The following UMOD variants were observed in gnomAD, a reference collection of about 807,000 sequenced individuals.
UMOD encodes uromodulin.
A neutral mutation model predicts 66.0 loss-of-function variants in UMOD; 64 were observed. The ratio of observed to expected loss-of-function variants is 0.97; its 90% CI spans 0.79 to 1.19. The LOEUF is 1.19. UMOD is among the 50% of genes most tolerant of loss of function. The pLI is 0.00. For synonymous variants in UMOD, 398 were observed against 352.7 expected (o/e 1.13, Z -1.44); for missense variants, 764 against 850.9 (o/e 0.90, Z 1.27).
chr16:20,345,398 T>TC (rs1965489893), intron 5 of UMOD, among the ~76,000 whole-genome samples: 2 of 39,098 alleles, frequency 5.1e-5, no homozygotes, highest in Non-Finnish European at 2.3e-4. Context: ...TCTTTTCTTT[T>TC]TTTTTCTTTC....
rs963858389 is a variant in UMOD at position 20,348,431 on chromosome 16, C to T, written c.865+5G>A. 10 of 1,613,868 alleles carry T rather than the reference C, an allele frequency of 6.2e-6. No individual in the cohort carries two copies. The African/African-American group carries it at 1.1e-4, about 17-fold the overall frequency. On this transcript the variant is annotated splice_donor_5th_base_variant and intron_variant, in intron 3 of 10. Transcript: ENST00000396138. ...GATGAGGACTGTGGGGAGACTCCGGCTGACCTGTGCAGTACGCCAGGTGAC... is the reference window on the plus strand; with the variant it reads ...GATGAGGACTGTGGGGAGACTCCGGTTGACCTGTGCAGTACGCCAGGTGAC...
Position 20,348,797 on chromosome 16 carries a change from G to C in UMOD, c.504C>G (p.Leu168=), listed in dbSNP as rs369454700. 2.6e-6 allele frequency: 4 copies of C among 1,544,614 alleles called. No individual in the cohort carries two copies. Among genetic ancestry groups the C allele is most frequent in the African/African-American group, 2.7e-5 (2 of 73,164 alleles). The change falls in exon 3 of 11, where the codon CTC becomes CTG. Residue 168 remains leucine (L), a synonymous_variant. Coordinates refer to ENST00000396138, the MANE Select transcript of UMOD (RefSeq NM_003361.4). ...GCGCCTGGCACGGATCCGCGCACAC[G>C]AGCGCGTCGCCCTCGGGCACGCAGT... The part of the protein sequence containing the change: ...GLDCVPEGDA[L]VCADPCQAHR...
At chr16:20,337,227 GT>G (rs906207714) in intron 8 of UMOD, 63 bp downstream of exon 8, 34 of 1,588,722 alleles carry the variant, frequency 2.1e-5, no homozygotes, top group Non-Finnish European at 2.8e-5. Context: ...ATATTGATTT[GT>G]TTTCTTTGTG....
chr16:20,343,130 A>AATAC (rs1292864947), intron 6 of UMOD, among the ~76,000 whole-genome samples: 2 of 126,306 alleles, frequency 1.6e-5, no homozygotes, highest in African/African-American at 8.9e-5. Context: ...ACTCCGTCTC[A>AATAC]ATAAATAAAT....
upstream of UMOD, among the ~76,000 whole-genome samples, chr16:20,353,853 C>A (rs1176373828): frequency 6.6e-6 from 1 of 152,034 alleles, no homozygotes; most frequent in Non-Finnish European, 1.5e-5. Context: ...ATGTGCTGCA[C>A]CCATTAACTT....
chr16:20,336,057 G>T (rs1159068969), intron 9 of UMOD, among the ~76,000 whole-genome samples: 1 of 152,168 alleles, frequency 6.6e-6, no homozygotes, highest in Non-Finnish European at 1.5e-5. Context: ...GACTGCCTTT[G>T]TAGAACTAAG....
At chr16:20,346,904 AGAAAGAAAGAAAAAG>A (rs1162477606) in intron 4 of UMOD, among the ~76,000 whole-genome samples, 1 of 107,478 alleles carries the variant, frequency 9.3e-6, no homozygotes, top group Non-Finnish European at 2.5e-5. Flanking sequence ...AAAGAAAGAA[AGAAAGAAAGAAAAAG>A]CAAGCAAGCT....
upstream of UMOD, among the ~76,000 whole-genome samples, chr16:20,354,801 A>G (rs1460339231): frequency 6.6e-6 from 1 of 152,102 alleles, no homozygotes; most frequent in Non-Finnish European, 1.5e-5. Context: ...GGGCTCAATA[A>G]TTACTAGAGA....
At chr16:20,343,454 G>T (rs1203046254) in intron 6 of UMOD, among the ~76,000 whole-genome samples, 2 of 152,134 alleles carry the variant, frequency 1.3e-5, no homozygotes, top group South Asian at 4.1e-4. Flanking sequence ...AATATGATTT[G>T]CCCAGCATTC....
chr16:20,346,325 A>T lies in UMOD; in HGVS notation c.983T>A (p.Leu328His), dbSNP rs1358145321. ...KQDFNITDIS[L>H]LEHRLECGAN... ...CCCACATTCCAGCCTGTGCTCCAGG[A>T]GGGAGATATCTGAAACAGGTTAGGT... is the stretch of plus-strand genomic sequence containing the variant. Residue 328 changes from leucine (L) to histidine (H), a missense_variant, in exon 5 of 11, where the codon CTC becomes CAC. Coordinates refer to ENST00000396138, the MANE Select transcript of UMOD (RefSeq NM_003361.4). The T allele has an allele frequency of 6.2e-7, 1 of 1,614,112 alleles. No individual in the cohort carries two copies. Among genetic ancestry groups the T allele is most frequent in the East Asian group, 2.2e-5 (1 of 44,898 alleles).
At chr16:20,354,886 T>C (rs1395640310), upstream of UMOD, among the ~76,000 whole-genome samples, 1 of 152,142 alleles carries the variant, frequency 6.6e-6, no homozygotes, top group African/African-American at 2.4e-5. Context: ...CCCCAACCCT[T>C]GGCCTCCTTT....
chr16:20,344,200 G>A, intron 5 of UMOD, 28 bp from the exon 6 acceptor site: 2 of 1,475,584 alleles, frequency 1.4e-6, no homozygotes, highest in Non-Finnish European at 1.9e-6. Flanking sequence ...GGTGGAGGGG[G>A]GGTGGGGATG....
At chr16:20,341,684 C>A (rs892674436) in intron 6 of UMOD, among the ~76,000 whole-genome samples, 2 of 151,746 alleles carry the variant, frequency 1.3e-5, no homozygotes, top group Non-Finnish European at 2.9e-5. Flanking sequence ...GGCTTTGCTA[C>A]CCCTGTAGCT....
chr16:20,342,256 G>A (rs145665048), intron 6 of UMOD, among the ~76,000 whole-genome samples: 1 of 152,346 alleles, frequency 6.6e-6, no homozygotes, highest in Non-Finnish European at 1.5e-5. Context: ...GGAGACTGAG[G>A]TGGGAGGATT....
rs777141215 is a variant in UMOD at position 20,337,287 on chromosome 16, T to C, written c.1740+4A>G. On this transcript the variant is annotated splice_donor_region_variant and intron_variant, in intron 8 of 10. Coordinates refer to ENST00000396138, the MANE Select transcript of UMOD (RefSeq NM_003361.4). ...GATGGGCTGGGGGAGGGGAGTCAAC[T>C]CACAGGCTTGCACTTTTCATTCATG... 6.2e-7 allele frequency: 1 copy of C among 1,614,194 alleles called. No homozygotes were observed. Among genetic ancestry groups the C allele is most frequent in the Non-Finnish European group, 8.5e-7 (1 of 1,180,032 alleles).
intron 7 of UMOD, 151 bp from the exon 8 acceptor site, chr16:20,337,604 C>T: frequency 4.3e-6 from 4 of 926,822 alleles, no homozygotes; most frequent in Non-Finnish European, 6.6e-6. Context: ...TCCATCTGTA[C>T]ATAAGAAATG....
chr16:20,348,291 A>G lies in UMOD; in HGVS notation c.905T>C (p.Ile302Thr), dbSNP rs1035965806. 2 of 1,614,110 alleles carry G rather than the reference A, an allele frequency of 1.2e-6. No homozygotes were observed. The highest frequency in any genetic ancestry group is 1.7e-6 in the Non-Finnish European group (2 of 1,180,050). ...SVEGTCEECS[I>T]DEDCKSNNGR... Reference sequence around the variant, plus strand: ...ATTATTCGATTTGCAGTCCTCGTCTATACTGCACTCCTCACACGTCCCCTC... The same window carrying G: ...ATTATTCGATTTGCAGTCCTCGTCTGTACTGCACTCCTCACACGTCCCCTC... Residue 302 changes from isoleucine to threonine, a missense_variant, in exon 4 of 11, where the codon ATA becomes ACA. Coordinates refer to ENST00000396138, the MANE Select transcript of UMOD (RefSeq NM_003361.4).
chr16:20,350,957 A>G (rs1965861125), intron 1 of UMOD, 118 bp from the exon 2 acceptor site: 1 of 1,062,190 alleles, frequency 9.4e-7, no homozygotes, highest in Admixed American at 2.7e-5. Flanking sequence ...TGGACTAAAA[A>G]ATTGCATAAC....
At chr16:20,338,713 C>G (rs1460035173) in intron 7 of UMOD, among the ~76,000 whole-genome samples, 1 of 151,910 alleles carries the variant, frequency 6.6e-6, no homozygotes, top group Non-Finnish European at 1.5e-5. Flanking sequence ...AGGCTGGTCT[C>G]GAACTCCTGA....
Sources: allele counts gnomAD v4.1 joint callset (sites outside exome capture counted in the v4.1 genomes callset), GRCh38; gene constraint gnomAD v4.1.1; transcripts MANE v1.5; gene names NCBI Gene and HGNC (gene_info 2026-07-23, HGNC 2026-07-21).